Variants in GRIK2 observed in about 807,000 individuals in gnomAD.
GRIK2 encodes glutamate receptor ionotropic, kainate 2.
GRIK2 carries 32 observed loss-of-function variants against 100.3 expected under a neutral mutation model. That is an observed-to-expected ratio of 0.32 (90% CI 0.24 to 0.43). The LOEUF is 0.43. GRIK2 is among the 20% of genes least tolerant of loss of function. The pLI is 1.00. For missense variants in GRIK2, 843 were observed against 1,114.9 expected (o/e 0.76, Z 3.47); for synonymous variants, 417 against 389.4 (o/e 1.07, Z -0.83).
intron 11 of GRIK2, among the ~76,000 whole-genome samples, chr6:101,860,272 A>T (rs1341012493): frequency 1.3e-5 from 2 of 152,158 alleles, no homozygotes; most frequent in Non-Finnish European, 2.9e-5. Flanking sequence ...GTGGCCATTC[A>T]GACAGGTTGG....
intron 2 of GRIK2, among the ~76,000 whole-genome samples, chr6:101,588,315 A>G (rs1778474554): frequency 6.6e-6 from 1 of 152,100 alleles, no homozygotes; most frequent in Non-Finnish European, 1.5e-5. Context: ...AGCCAGAAAG[A>G]GCAGTCACAT....
intron 10 of GRIK2, among the ~76,000 whole-genome samples, chr6:101,857,576 G>C (rs1419796861): frequency 6.6e-6 from 1 of 152,202 alleles, no homozygotes. Flanking sequence ...GGAAGAGGGT[G>C]AGCACATTCC....
At chr6:102,031,299 T>C (rs1769987097) in intron 14 of GRIK2, among the ~76,000 whole-genome samples, 2 of 151,204 alleles carry the variant, frequency 1.3e-5, no homozygotes, top group African/African-American at 4.8e-5. Context: ...ACAATCTGCT[T>C]CATAATTGCC....
At chr6:101,790,151 A>G (rs1019290689) in intron 7 of GRIK2, among the ~76,000 whole-genome samples, 1 of 152,182 alleles carries the variant, frequency 6.6e-6, no homozygotes, top group African/African-American at 2.4e-5. Context: ...GTCATCTGCA[A>G]ACAAGGACAA....
At chr6:101,936,654 C>G (rs1790637636) in intron 14 of GRIK2, among the ~76,000 whole-genome samples, 1 of 152,040 alleles carries the variant, frequency 6.6e-6, no homozygotes, top group Non-Finnish European at 1.5e-5. Context: ...GAAACCAACA[C>G]CATTTTACTA....
chr6:101,787,513 G>C (rs1353364979), intron 7 of GRIK2, among the ~76,000 whole-genome samples: 1 of 151,734 alleles, frequency 6.6e-6, no homozygotes, highest in Admixed American at 6.6e-5. Context: ...ATTTTTATTT[G>C]TTTCAAGAAA....
At chr6:101,472,332 C>A (rs1360516962) in intron 2 of GRIK2, among the ~76,000 whole-genome samples, 1 of 151,480 alleles carries the variant, frequency 6.6e-6, no homozygotes, top group African/African-American at 2.4e-5. Context: ...AGATATAATA[C>A]CGTTTGGGAA....
At chr6:101,623,374 A>G (rs949222500) in intron 3 of GRIK2, among the ~76,000 whole-genome samples, 3 of 152,106 alleles carry the variant, frequency 2.0e-5, no homozygotes, top group Non-Finnish European at 4.4e-5. Flanking sequence ...AGACTGAGAA[A>G]AAGGTTAAAG....
At chr6:101,670,948 G>A (rs1331141212) in intron 4 of GRIK2, among the ~76,000 whole-genome samples, 1 of 152,168 alleles carries the variant, frequency 6.6e-6, no homozygotes, top group African/African-American at 2.4e-5. Context: ...CACACGGATT[G>A]TAAAATTTTG....
At chr6:101,459,246 G>A (rs1771172172) in intron 2 of GRIK2, among the ~76,000 whole-genome samples, 1 of 151,990 alleles carries the variant, frequency 6.6e-6, no homozygotes, top group Non-Finnish European at 1.5e-5. Flanking sequence ...CATTTCTGAT[G>A]ATTACCTAAA....
Position 101,613,965 on chromosome 6 carries a change from A to T in GRIK2, c.116-7984A>T, listed in dbSNP as rs140950773. On this transcript the variant is annotated intron_variant, in intron 2 of 16. Coordinates refer to ENST00000369134, the MANE Select transcript of GRIK2 (RefSeq NM_021956.5). ...ATTAAAAACTTTAGGAAAACAGGGG[A>T]TGGATTAATATATGGGAGAACTTTG... Among the ~76,000 whole-genome samples, 11 of 151,828 alleles carry T rather than the reference A, an allele frequency of 7.2e-5. No individual in the cohort carries two copies. In the East Asian group the frequency reaches 7.8e-4, roughly 11 times the overall value.
intron 4 of GRIK2, among the ~76,000 whole-genome samples, chr6:101,631,907 AT>A (rs1208015856): frequency 6.6e-6 from 1 of 151,972 alleles, no homozygotes; most frequent in Non-Finnish European, 1.5e-5. Context: ...CCTCTAAGGC[AT>A]TTTTAAGAAG....
intron 2 of GRIK2, among the ~76,000 whole-genome samples, chr6:101,436,898 G>T (rs1170425224): frequency 1.3e-5 from 2 of 150,834 alleles, no homozygotes; most frequent in Non-Finnish European, 3.0e-5. Flanking sequence ...AAATTATATT[G>T]TAAATTTCGT....
intron 2 of GRIK2, among the ~76,000 whole-genome samples, chr6:101,418,700 C>T (rs1455823070): frequency 2.6e-5 from 4 of 152,208 alleles, no homozygotes; most frequent in East Asian, 1.9e-4. Flanking sequence ...CCCCTGTTAT[C>T]GATTACCCTG....
At chr6:101,917,115 T>A (rs2791787) in intron 12 of GRIK2, among the ~76,000 whole-genome samples, 142,183 of 151,730 alleles carry the variant, frequency 0.94, 66,660 homozygotes, top group Middle Eastern at 0.97. Flanking sequence ...GTATGATAGT[T>A]GTTATAACTG....
chr6:101,610,455 A>T (rs976784973), intron 2 of GRIK2, among the ~76,000 whole-genome samples: 3 of 151,836 alleles, frequency 2.0e-5, no homozygotes, highest in African/African-American at 4.8e-5. Flanking sequence ...ACATATTTGC[A>T]TCTATATTTT....
At chr6:101,577,638 A>G (rs929618263) in intron 2 of GRIK2, among the ~76,000 whole-genome samples, 10 of 152,136 alleles carry the variant, frequency 6.6e-5, no homozygotes, top group Admixed American at 1.3e-4. Flanking sequence ...TTTATCTTAA[A>G]CAGTGTTATG....
chr6:101,835,077 A>G (rs1174237912), intron 10 of GRIK2, among the ~76,000 whole-genome samples: 3 of 152,190 alleles, frequency 2.0e-5, no homozygotes, highest in East Asian at 3.8e-4. Context: ...ACTAGTGCCA[A>G]TAAGTATCTT....
In GRIK2 at chr6:101,954,419, T is replaced by G. The variant is rs374962327; in HGVS notation, c.2085+25787T>G. ...GTGTTTTCACTTTTATTATTAGATC[T>G]TGCACTTCTTTAAAGAATAGATCCC... On this transcript the variant is annotated intron_variant, in intron 14 of 16. Coordinates refer to ENST00000369134, the MANE Select transcript of GRIK2 (RefSeq NM_021956.5). Among the ~76,000 whole-genome samples, 74 of 152,198 alleles carry G rather than the reference T, an allele frequency of 4.9e-4. 1 individual carries two copies. The highest frequency in any genetic ancestry group is 1.7e-3 in the African/African-American group (70 of 41,578).
Sources: gnomAD v4.1 joint callset for allele counts (sites outside exome capture counted in the v4.1 genomes callset) on GRCh38, gnomAD v4.1.1 for gene constraint, MANE v1.5 for transcripts, NCBI Gene and HGNC (gene_info 2026-07-23, HGNC 2026-07-21) for gene names.